The following PIK3C2G variants were observed in gnomAD, a reference collection of about 807,000 sequenced individuals.
PIK3C2G encodes the protein phosphatidylinositol-4-phosphate 3-kinase catalytic subunit type 2 gamma, also known as phosphatidylinositol 3-kinase C2 domain-containing subunit gamma.
In PIK3C2G, 168 loss-of-function variants were observed where a neutral mutation model predicts 181.1. The ratio of observed to expected loss-of-function variants is 0.93; its 90% CI spans 0.82 to 1.05. PIK3C2G has a LOEUF of 1.05. Ranked by LOEUF, PIK3C2G falls within the 50% of genes least tolerant of loss-of-function variation. The probability of loss-of-function intolerance (pLI) is 0.00; values close to 1 mark genes in which losing one functional copy is unlikely to be tolerated. For synonymous variants in PIK3C2G, 573 were observed against 592.2 expected (o/e 0.97, Z 0.47); for missense variants, 1,869 against 1,732.8 (o/e 1.08, Z -1.40).
intron 12 of PIK3C2G, among the ~76,000 whole-genome samples, chr12:18,369,524 C>T (rs10841020): frequency 0.99 from 32,226 of 32,442 alleles, 16,009 homozygotes; most frequent in South Asian, 1. Flanking sequence ...AATTGACATA[C>T]GATCATATAA....
chr12:18,337,879 C>CA (rs1187258435), intron 8 of PIK3C2G, among the ~76,000 whole-genome samples: 2 of 152,154 alleles, frequency 1.3e-5, no homozygotes, highest in African/African-American at 4.8e-5. Context: ...AAGGATAGTG[C>CA]AATCAGATGA....
chr12:18,320,834 T>C (rs554858269), intron 6 of PIK3C2G, 128 bp from the exon 7 acceptor site: 2 of 627,964 alleles, frequency 3.2e-6, no homozygotes, highest in East Asian at 2.9e-5. Flanking sequence ...TCAGACAGAA[T>C]ATAAAAGCGA....
intron 32 of PIK3C2G, among the ~76,000 whole-genome samples, chr12:18,641,076 T>C (rs1243268986): frequency 6.6e-6 from 1 of 152,164 alleles, no homozygotes; most frequent in Non-Finnish European, 1.5e-5. Flanking sequence ...CTTGATTCCA[T>C]CCTTTCCCAT....
Position 18,544,766 on chromosome 12 carries a change from C to G in PIK3C2G, c.3481-1557C>G, listed in dbSNP as rs548415405. ...ATCCAGGAGGATAGAGAGTTGACAA[C>G]TCTCCAGGACTCCCTCATCCATCTC... On this transcript the variant is annotated intron_variant, in intron 25 of 32. Transcript: ENST00000538779. 1.3e-4 allele frequency among the ~76,000 whole-genome samples: 19 copies of G among 151,962 alleles called. No homozygotes were observed. The South Asian group carries it at 3.9e-3, about 32-fold the overall frequency.
chr12:18,723,461 T>C, the PIK3C2G span: 3 of 1,613,154 alleles, frequency 1.9e-6, no homozygotes, highest in East Asian at 6.7e-5. Flanking sequence ...ATCTCAATAA[T>C]TTCTTCTCTG....
At chr12:18,610,268 A>C (rs11044214) in intron 31 of PIK3C2G, among the ~76,000 whole-genome samples, 24,012 of 152,012 alleles carry the variant, frequency 0.16, 2,147 homozygotes, top group East Asian at 0.2. Context: ...GAGCCTAGAC[A>C]AAATGGGTTC....
At chr12:18,632,773 C>G (rs1949406040) in intron 31 of PIK3C2G, among the ~76,000 whole-genome samples, 1 of 152,124 alleles carries the variant, frequency 6.6e-6, no homozygotes, top group South Asian at 2.1e-4. Context: ...CTTTTTTATT[C>G]TATTCAGGAT....
At chr12:18,543,979 T>C (rs557378243) in intron 25 of PIK3C2G, among the ~76,000 whole-genome samples, 1 of 151,934 alleles carries the variant, frequency 6.6e-6, no homozygotes, top group South Asian at 2.1e-4. Flanking sequence ...CAGTAAAAGC[T>C]AGGAAGCAAT....
Position 18,488,543 on chromosome 12 carries a change from G to T in PIK3C2G, c.2599G>T (p.Asp867Tyr). Residue 867 changes from aspartate (D) to tyrosine (Y), a missense_variant, in exon 19 of 33, where the codon GAT (aspartate) becomes TAT (tyrosine). Transcript: ENST00000538779. The part of the protein sequence containing the change: ...LQFCAGKALN[D>Y]EFSKEQKLIK... The stretch of plus-strand genomic sequence containing the variant: ...ATTCTGTGCAGGTAAAGCCTTGAAT[G>T]ATGAGTTTTCCAAGGAGCAGAAACT... The T allele has an allele frequency of 6.3e-7, 1 of 1,592,780 alleles. No homozygotes were observed. Among genetic ancestry groups the T allele is most frequent in the South Asian group, 1.1e-5 (1 of 87,716 alleles).
intron 29 of PIK3C2G, among the ~76,000 whole-genome samples, chr12:18,579,114 C>T (rs1946368976): frequency 6.6e-6 from 1 of 151,950 alleles, no homozygotes; most frequent in Non-Finnish European, 1.5e-5. Flanking sequence ...TTTTTACTGA[C>T]ACTATGTGTA....
chr12:18,416,114 G>A (rs1945162529), intron 16 of PIK3C2G, among the ~76,000 whole-genome samples: 1 of 152,196 alleles, frequency 6.6e-6, no homozygotes, highest in East Asian at 1.9e-4. Flanking sequence ...GTGTGGTGGC[G>A]GGTGCCTAAA....
intron 24 of PIK3C2G, among the ~76,000 whole-genome samples, chr12:18,510,577 C>T (rs1477925495): frequency 1.3e-5 from 2 of 152,104 alleles, no homozygotes; most frequent in Non-Finnish European, 2.9e-5. Context: ...TGGCCTTTCG[C>T]TTTGCTGATG....
At chr12:18,329,234 A>T (rs532097601) in intron 8 of PIK3C2G, among the ~76,000 whole-genome samples, 1 of 151,988 alleles carries the variant, frequency 6.6e-6, no homozygotes, top group African/African-American at 2.4e-5. Context: ...AAGGAATAAC[A>T]TGATCTGACA....
At chr12:18,431,484 C>T (rs781341571) in intron 18 of PIK3C2G, among the ~76,000 whole-genome samples, 20 of 152,286 alleles carry the variant, frequency 1.3e-4, no homozygotes, top group Non-Finnish European at 1.9e-4. Context: ...GCCAGACATC[C>T]AGTGAGTAAA....
intron 29 of PIK3C2G, among the ~76,000 whole-genome samples, chr12:18,568,967 G>A (rs1056704364): frequency 5.3e-4 from 81 of 151,980 alleles, no homozygotes; most frequent in Non-Finnish European, 5.6e-4. Flanking sequence ...TAAATTATAA[G>A]AACACCCATG....
intron 11 of PIK3C2G, 59 bp downstream of exon 11, chr12:18,346,895 T>G: frequency 1.7e-6 from 2 of 1,150,006 alleles, no homozygotes. Flanking sequence ...CTAAGTAGAA[T>G]GCAATTTGTC....
At chr12:18,379,157 A>G (rs1316183897) in intron 13 of PIK3C2G, among the ~76,000 whole-genome samples, 1 of 152,090 alleles carries the variant, frequency 6.6e-6, no homozygotes, top group African/African-American at 2.4e-5. Flanking sequence ...AATGTGACAC[A>G]TATACACCAT....
At chr12:18,711,431 G>A in the PIK3C2G span, among the ~76,000 whole-genome samples, 2 of 149,238 alleles carry the variant, frequency 1.3e-5, no homozygotes, top group Non-Finnish European at 3.0e-5. Context: ...TATACCTAAT[G>A]CTAAATGACG....
intron 23 of PIK3C2G, among the ~76,000 whole-genome samples, chr12:18,503,861 T>C (rs1282407479): frequency 6.6e-6 from 1 of 152,242 alleles, no homozygotes; most frequent in South Asian, 2.1e-4. Flanking sequence ...CCAAATGTAC[T>C]GTTTTATTTG....
Sources: allele counts gnomAD v4.1 joint callset (sites outside exome capture counted in the v4.1 genomes callset), GRCh38; gene constraint gnomAD v4.1.1; transcripts MANE v1.5; gene names NCBI Gene and HGNC (gene_info 2026-07-23, HGNC 2026-07-21).